ENPP3: variants seen among roughly 807,000 people sequenced by gnomAD.
ENPP3 encodes ectonucleotide pyrophosphatase/phosphodiesterase family member 3.
A neutral mutation model predicts 117.8 loss-of-function variants in ENPP3; 104 were observed. That is an observed-to-expected ratio of 0.88 (90% CI 0.75 to 1.04). ENPP3 has a LOEUF of 1.04. Among genes scored for constraint, ENPP3 ranks in the 50% least tolerant of loss-of-function variants. ENPP3 has a pLI of 0.00. For synonymous variants in ENPP3, 380 were observed against 349.9 expected (o/e 1.09, Z -0.96); for missense variants, 1,026 against 1,051.9 (o/e 0.98, Z 0.34).
chr6:131,641,753 G>A (rs1393982547), intron 2 of ENPP3, among the ~76,000 whole-genome samples: 1 of 140,582 alleles, frequency 7.1e-6, no homozygotes, highest in Non-Finnish European at 1.5e-5. Context: ...GCTCATTTGA[G>A]ACTCATTATC....
chr6:131,649,939 C>T, intron 2 of ENPP3, 88 bp from the exon 3 acceptor site: 4 of 1,371,154 alleles, frequency 2.9e-6, no homozygotes, highest in Admixed American at 1.7e-5. Context: ...ATAGTCTGTG[C>T]TGTGTACTTC....
In ENPP3 at chr6:131,696,514, G is replaced by C. The variant is rs761633995; in HGVS notation, c.1412+2890G>C. Among the ~76,000 whole-genome samples, 63 of 152,322 alleles carry C rather than the reference G, an allele frequency of 4.1e-4. 1 individual carries two copies. Among genetic ancestry groups the C allele is most frequent in the Non-Finnish European group, 4.1e-4 (28 of 68,022 alleles). On this transcript the variant is annotated intron_variant, in intron 15 of 24. Coordinates refer to ENST00000357639, the MANE Select transcript of ENPP3 (RefSeq NM_005021.5). ...ATAGGATACGTGTTGCCATACAGCA[G>C]GTCTGCCCTGTGCAGTCTGTCGGTT...
intron 15 of ENPP3, among the ~76,000 whole-genome samples, chr6:131,694,232 A>G (rs189130030): frequency 9.8e-5 from 15 of 152,288 alleles, no homozygotes; most frequent in Admixed American, 8.5e-4. Flanking sequence ...TCCATCTTAA[A>G]TAACCAATTA....
At chr6:131,696,145 T>C (rs1779400517) in intron 15 of ENPP3, among the ~76,000 whole-genome samples, 1 of 152,200 alleles carries the variant, frequency 6.6e-6, no homozygotes, top group South Asian at 2.1e-4. Flanking sequence ...ATGTGTTAGA[T>C]CTTACTAATT....
At chr6:131,641,372 G>C in intron 1 of ENPP3, 83 bp from the exon 2 acceptor site, 1 of 826,140 alleles carries the variant, frequency 1.2e-6, no homozygotes, top group Non-Finnish European at 2.0e-6. Context: ...GGTACTTAGA[G>C]AGAATACTGA....
chr6:131,675,609 C>T (rs994051528), intron 9 of ENPP3, among the ~76,000 whole-genome samples: 2 of 152,136 alleles, frequency 1.3e-5, no homozygotes, highest in South Asian at 4.1e-4. Context: ...GGGCTGATCA[C>T]CTGAGGTCAG....
intron 17 of ENPP3, among the ~76,000 whole-genome samples, chr6:131,721,183 G>T (rs7753830): frequency 0.028 from 4,264 of 152,222 alleles, 190 homozygotes; most frequent in African/African-American, 0.096. Context: ...CTTGTTGCAG[G>T]CCATTGTATT....
At chr6:131,673,054 A>C (rs915369314) in intron 7 of ENPP3, among the ~76,000 whole-genome samples, 1 of 152,198 alleles carries the variant, frequency 6.6e-6, no homozygotes, top group Admixed American at 6.5e-5. Context: ...CCAGTGGCTA[A>C]CCATTATTCT....
chr6:131,690,568 T>C (rs1236803903), intron 14 of ENPP3, among the ~76,000 whole-genome samples: 1 of 152,240 alleles, frequency 6.6e-6, no homozygotes, highest in Admixed American at 6.5e-5. Flanking sequence ...CCAATTCATA[T>C]GACTTGCTTT....
At chr6:131,744,776 C>G (rs929486261) in intron 24 of ENPP3, among the ~76,000 whole-genome samples, 1 of 151,620 alleles carries the variant, frequency 6.6e-6, no homozygotes, top group Non-Finnish European at 1.5e-5. Context: ...ATATACAATA[C>G]TCTTAATTCT....
chr6:131,694,733 C>T (rs961580641), intron 15 of ENPP3, among the ~76,000 whole-genome samples: 6 of 151,538 alleles, frequency 4.0e-5, no homozygotes, highest in African/African-American at 1.5e-4. Context: ...ACTGGAGAGG[C>T]TGAGGCAGGA....
Position 131,726,181 on chromosome 6 carries a change from C to G in ENPP3, c.1934C>G (p.Ser645Ter), listed in dbSNP as rs545905656. Residue 645 changes from serine to a stop codon, truncating the protein, a stop_gained, in exon 20 of 25, where the codon TCA becomes TGA. Transcript: ENST00000357639. LOFTEE classifies it high-confidence loss of function. The part of the protein sequence containing the change: ...GKAMRMPMWS[S>*]YTVPQLGDTS... ...GCTATGAGGATGCCCATGTGGAGTT[C>G]ATACACAGTCCCCCAGTTGGTAAGT... 3.7e-6 allele frequency: 6 copies of G among 1,613,808 alleles called. No individual in the cohort carries two copies. The Admixed American group carries it at 1.0e-4, about 27-fold the overall frequency.
chr6:131,686,741 C>T (rs1779161609), intron 14 of ENPP3, among the ~76,000 whole-genome samples: 1 of 152,208 alleles, frequency 6.6e-6, no homozygotes, highest in South Asian at 2.1e-4. Context: ...TTAGCTCCCA[C>T]TTATAAGTGA....
At chr6:131,638,677 G>GGTAGT (rs1777977315) in intron 1 of ENPP3, 2 of 254,700 alleles carry the variant, frequency 7.9e-6, no homozygotes, top group African/African-American at 4.6e-5. Flanking sequence ...TACCTGCCTC[G>GGTAGT]GCCTCCCAAA....
At chr6:131,648,940 A>C (rs1778205827) in intron 2 of ENPP3, among the ~76,000 whole-genome samples, 1 of 152,194 alleles carries the variant, frequency 6.6e-6, no homozygotes, top group African/African-American at 2.4e-5. Context: ...TTCAGACTCA[A>C]ATATTCAGAC....
chr6:131,706,658 A>G (rs1779644573), intron 15 of ENPP3, among the ~76,000 whole-genome samples: 1 of 149,072 alleles, frequency 6.7e-6, no homozygotes, highest in South Asian at 2.1e-4. Flanking sequence ...ATGGATATCG[A>G]AATGTGTTAA....
chr6:131,723,897 A>C (rs1780091119), intron 18 of ENPP3, 143 bp from the exon 19 acceptor site: 1 of 632,864 alleles, frequency 1.6e-6, no homozygotes, highest in East Asian at 2.8e-5. Flanking sequence ...ATAGTGGCAG[A>C]ATCAGAATCT....
chr6:131,701,679 G>A (rs868069887), intron 15 of ENPP3, among the ~76,000 whole-genome samples: 319 of 148,648 alleles, frequency 2.1e-3, no homozygotes, highest in African/African-American at 7.6e-3. Flanking sequence ...TCAGGAGTTC[G>A]AGACCAGCAT....
intron 2 of ENPP3, among the ~76,000 whole-genome samples, chr6:131,643,418 G>A (rs1778092133): frequency 6.6e-6 from 1 of 152,140 alleles, no homozygotes; most frequent in Non-Finnish European, 1.5e-5. Flanking sequence ...GCTTCCCGGA[G>A]TCATTTTTCC....
Sources: gnomAD v4.1 joint callset for allele counts (sites outside exome capture counted in the v4.1 genomes callset) on GRCh38, gnomAD v4.1.1 for gene constraint, MANE v1.5 for transcripts, NCBI Gene and HGNC (gene_info 2026-07-23, HGNC 2026-07-21) for gene names.